Variants in CDC42BPA observed in about 807,000 individuals in gnomAD.
CDC42BPA encodes CDC42 binding protein kinase alpha.
Under a neutral mutation model 223.5 loss-of-function variants are expected in CDC42BPA, and 80 were observed. That is an observed-to-expected ratio of 0.36 (90% CI 0.30 to 0.43). CDC42BPA has a LOEUF of 0.43. Among genes scored for constraint, CDC42BPA ranks in the 20% least tolerant of loss-of-function variants. The pLI, the probability that CDC42BPA is intolerant of heterozygous loss-of-function variation, is 1.00. For synonymous variants in CDC42BPA, 694 were observed against 718.6 expected (o/e 0.97, Z 0.55); for missense variants, 1,743 against 2,099.9 (o/e 0.83, Z 3.32).
intron 14 of CDC42BPA, among the ~76,000 whole-genome samples, chr1:227,107,204 T>C (rs1263337078): frequency 1.3e-5 from 2 of 152,336 alleles, no homozygotes; most frequent in African/African-American, 4.8e-5. Flanking sequence ...TTTCCATTTA[T>C]TTAGATTTTC....
intron 21 of CDC42BPA, among the ~76,000 whole-genome samples, chr1:227,062,806 T>C (rs1261757681): frequency 6.6e-6 from 1 of 150,424 alleles, no homozygotes; most frequent in Non-Finnish European, 1.5e-5. Flanking sequence ...ACCACCCATG[T>C]AAAAAGTGCT....
chr1:227,189,514 T>C (rs1008610987), intron 5 of CDC42BPA, among the ~76,000 whole-genome samples: 4 of 152,188 alleles, frequency 2.6e-5, no homozygotes, highest in African/African-American at 7.2e-5. Context: ...ACCTTCCCAA[T>C]AGTCTGGCAA....
intron 10 of CDC42BPA, among the ~76,000 whole-genome samples, chr1:227,129,717 A>ATATATATATATATATAT (rs1656668947): frequency 1.4e-5 from 2 of 146,554 alleles, no homozygotes; most frequent in Non-Finnish European, 3.0e-5. Flanking sequence ...ATATATATAC[A>ATATATATATATATATAT]AAAGAATCCA....
In CDC42BPA at chr1:227,318,289, C is replaced by G. The variant is rs1424036858; in HGVS notation, c.-1107G>C. On this transcript the variant is annotated 5_prime_UTR_variant, in exon 1 of 37. Transcript: ENST00000366766. ...CATCTTTCCACAGCGAGGAGGGAGG[C>G]GGCCCGGCGCAGGAGGAGGGGTCGC... 2 of 1,400 alleles carry G rather than the reference C, an allele frequency of 1.4e-3. No individual in the cohort carries two copies. Among genetic ancestry groups the G allele is most frequent in the Admixed American group, 0.077 (2 of 26 alleles). 0.1% of individuals were successfully genotyped at this position (1,400 alleles called of 1,614,324 possible).
chr1:227,241,760 AG>A (rs1363571692), intron 2 of CDC42BPA, among the ~76,000 whole-genome samples: 7 of 152,260 alleles, frequency 4.6e-5, no homozygotes, highest in Admixed American at 2.6e-4. Context: ...CAAAACCTCA[AG>A]GAACTGTATA....
intron 11 of CDC42BPA, among the ~76,000 whole-genome samples, chr1:227,127,578 T>A (rs1235881923): frequency 6.6e-6 from 1 of 152,196 alleles, no homozygotes; most frequent in Non-Finnish European, 1.5e-5. Context: ...GCTTTTTTAG[T>A]GTCATACAAC....
intron 17 of CDC42BPA, among the ~76,000 whole-genome samples, chr1:227,078,824 T>C (rs1680027761): frequency 6.6e-6 from 1 of 152,128 alleles, no homozygotes; most frequent in Admixed American, 6.6e-5. Context: ...CAAAAGAAGG[T>C]TGAGTATTCC....
At chr1:227,101,286 A>G (rs1410332879) in intron 14 of CDC42BPA, 47 bp from the exon 15 acceptor site, 1 of 1,142,176 alleles carries the variant, frequency 8.8e-7, no homozygotes, top group South Asian at 1.9e-5. Context: ...AGAATAATAA[A>G]ATATTTAAAT....
intron 3 of CDC42BPA, among the ~76,000 whole-genome samples, chr1:227,200,527 A>ATT (rs58110006): frequency 6.8e-6 from 1 of 146,810 alleles, no homozygotes. Context: ...TTGCAATTTG[A>ATT]TTTTTTTTTT....
intron 14 of CDC42BPA, among the ~76,000 whole-genome samples, chr1:227,108,668 T>C (rs12404627): frequency 0.096 from 14,679 of 152,224 alleles, 874 homozygotes; most frequent in Middle Eastern, 0.16. Flanking sequence ...AATCCACGGA[T>C]GCTCAAGTCT....
chr1:227,262,270 C>G (rs1684208745), intron 1 of CDC42BPA, among the ~76,000 whole-genome samples: 1 of 151,854 alleles, frequency 6.6e-6, no homozygotes, highest in Admixed American at 6.6e-5. Flanking sequence ...AAAATACTGC[C>G]ACTGAAATGT....
intron 10 of CDC42BPA, among the ~76,000 whole-genome samples, chr1:227,129,540 T>C (rs2149507378): frequency 6.6e-6 from 1 of 151,628 alleles, no homozygotes; most frequent in African/African-American, 2.4e-5. Flanking sequence ...TGGTGGCACA[T>C]GCCTGAAGTC....
chr1:227,026,814 G>A (rs1668349027), intron 30 of CDC42BPA, among the ~76,000 whole-genome samples: 2 of 152,188 alleles, frequency 1.3e-5, no homozygotes, highest in Non-Finnish European at 2.9e-5. Context: ...ATGAGAGTGT[G>A]TGTGGGTTTG....
At chr1:227,067,247 T>G (rs572332943) in intron 21 of CDC42BPA, among the ~76,000 whole-genome samples, 1 of 152,256 alleles carries the variant, frequency 6.6e-6, no homozygotes, top group South Asian at 2.1e-4. Context: ...AGAGTGCCTG[T>G]GAGAGCAGAA....
chr1:227,278,425 A>G (rs1687481639), intron 1 of CDC42BPA, among the ~76,000 whole-genome samples: 3 of 152,246 alleles, frequency 2.0e-5, no homozygotes, highest in African/African-American at 7.2e-5. Context: ...TCAAAATGAC[A>G]AAAGTAAGAC....
At chr1:227,085,202 T>C (rs1681608543) in intron 16 of CDC42BPA, among the ~76,000 whole-genome samples, 1 of 152,024 alleles carries the variant, frequency 6.6e-6, no homozygotes. Context: ...ACCCCCCACA[T>C]ACACTCACTC....
intron 1 of CDC42BPA, among the ~76,000 whole-genome samples, chr1:227,284,819 G>C (rs188238930): frequency 2.0e-4 from 30 of 152,016 alleles, no homozygotes; most frequent in African/African-American, 6.8e-4. Context: ...AAAATTAGCC[G>C]GGCATGATGG....
chr1:227,262,910 A>T (rs1045098404), intron 1 of CDC42BPA, among the ~76,000 whole-genome samples: 1 of 152,218 alleles, frequency 6.6e-6, no homozygotes, highest in Non-Finnish European at 1.5e-5. Flanking sequence ...AAGGTAACAA[A>T]GCAGCTACAG....
chr1:227,289,437 T>G (rs1689331363), intron 1 of CDC42BPA, among the ~76,000 whole-genome samples: 1 of 152,108 alleles, frequency 6.6e-6, no homozygotes, highest in African/African-American at 2.4e-5. Flanking sequence ...AAACATCAAA[T>G]CCTCAGAGGT....
Sources: gnomAD v4.1 joint callset for allele counts (sites outside exome capture counted in the v4.1 genomes callset) on GRCh38, gnomAD v4.1.1 for gene constraint, MANE v1.5 for transcripts, NCBI Gene and HGNC (gene_info 2026-07-23, HGNC 2026-07-21) for gene names.